LRMDA: variants seen among roughly 807,000 people sequenced by gnomAD.
LRMDA encodes leucine-rich melanocyte differentiation-associated protein.
LRMDA carries 18 observed loss-of-function variants against 29.8 expected under a neutral mutation model. The observed-to-expected ratio is 0.60, with a 90% confidence interval of 0.42 to 0.90. LRMDA has a LOEUF of 0.90. Ranked by LOEUF, LRMDA falls within the 40% of genes least tolerant of loss-of-function variation. The pLI is 0.00. For missense variants in LRMDA, 273 were observed against 273.9 expected (o/e 1.00, Z 0.02); for synonymous variants, 125 against 109.4 (o/e 1.14, Z -0.89).
At chr10:76,136,716 G>A (rs72815530) in intron 5 of LRMDA, among the ~76,000 whole-genome samples, 23,430 of 151,996 alleles carry the variant, frequency 0.15, 2,100 homozygotes, top group Admixed American at 0.23. Context: ...AAATAGATGA[G>A]CACTTTTTGT....
intron 2 of LRMDA, among the ~76,000 whole-genome samples, chr10:75,887,019 C>T (rs1845402688): frequency 6.6e-6 from 1 of 152,002 alleles, no homozygotes; most frequent in Non-Finnish European, 1.5e-5. Flanking sequence ...TGATAGATGA[C>T]CTAGAATGGA....
At chr10:76,159,987 G>A (rs1850614132) in intron 5 of LRMDA, among the ~76,000 whole-genome samples, 1 of 152,060 alleles carries the variant, frequency 6.6e-6, no homozygotes, top group African/African-American at 2.4e-5. Flanking sequence ...CCCATGGAAT[G>A]TACAACACCA....
chr10:75,993,946 G>A (rs1204281880), intron 2 of LRMDA, among the ~76,000 whole-genome samples: 1 of 152,128 alleles, frequency 6.6e-6, no homozygotes, highest in African/African-American at 2.4e-5. Flanking sequence ...AGAAGAGAGA[G>A]GGAAAATCCT....
chr10:76,440,111 C>T (rs1842286256), intron 6 of LRMDA, among the ~76,000 whole-genome samples: 2 of 152,152 alleles, frequency 1.3e-5, no homozygotes, highest in East Asian at 1.9e-4. Flanking sequence ...GATACAAGAG[C>T]GATTAAGAAT....
chr10:75,548,538 A>G (rs1840106418), intron 2 of LRMDA, among the ~76,000 whole-genome samples: 1 of 152,074 alleles, frequency 6.6e-6, no homozygotes, highest in Non-Finnish European at 1.5e-5. Flanking sequence ...ATCTTAAACA[A>G]TGAGGGGTAG....
chr10:75,733,463 A>G (rs1842723685), intron 2 of LRMDA, among the ~76,000 whole-genome samples: 1 of 152,194 alleles, frequency 6.6e-6, no homozygotes, highest in Admixed American at 6.5e-5. Context: ...CCTTCTGTAA[A>G]CATGCCCTTT....
intron 3 of LRMDA, 73 bp from the exon 4 acceptor site, chr10:76,047,091 G>A (rs369777497): frequency 4.6e-5 from 71 of 1,540,984 alleles, no homozygotes; most frequent in African/African-American, 2.9e-4. Flanking sequence ...ACTCATCAGC[G>A]CCTGTCAGTC....
chr10:76,183,581 G>C (rs1222660091), intron 5 of LRMDA, among the ~76,000 whole-genome samples: 1 of 152,202 alleles, frequency 6.6e-6, no homozygotes. Context: ...ACTGGGGAGA[G>C]GGTGAGACAG....
At chr10:75,911,697 G>A (rs1589250476) in intron 2 of LRMDA, among the ~76,000 whole-genome samples, 1 of 152,302 alleles carries the variant, frequency 6.6e-6, no homozygotes, top group South Asian at 2.1e-4. Flanking sequence ...GAGCATGTAT[G>A]ATTTGAGTCC....
chr10:76,241,221 A>G (rs1852272735), intron 5 of LRMDA, among the ~76,000 whole-genome samples: 1 of 152,166 alleles, frequency 6.6e-6, no homozygotes, highest in Non-Finnish European at 1.5e-5. Flanking sequence ...GACCTTATTC[A>G]TGTAACCAAA....
chr10:75,747,330 T>A (rs1315110477), intron 2 of LRMDA, among the ~76,000 whole-genome samples: 1 of 152,146 alleles, frequency 6.6e-6, no homozygotes, highest in Non-Finnish European at 1.5e-5. Context: ...ATACAGCCGC[T>A]AAGAGATTTA....
At chr10:75,720,529 G>T (rs527995571) in intron 2 of LRMDA, among the ~76,000 whole-genome samples, 1 of 152,326 alleles carries the variant, frequency 6.6e-6, no homozygotes, top group Non-Finnish European at 1.5e-5. Flanking sequence ...TGCCTTCGAA[G>T]TTTACTTTTT....
chr10:75,988,902 A>G (rs574926659), intron 2 of LRMDA, among the ~76,000 whole-genome samples: 26 of 152,100 alleles, frequency 1.7e-4, no homozygotes, highest in Non-Finnish European at 2.8e-4. Context: ...CTATTTCAGT[A>G]TCTCTTTCTT....
intron 2 of LRMDA, among the ~76,000 whole-genome samples, chr10:75,699,683 C>T (rs1435783508): frequency 6.6e-6 from 1 of 152,158 alleles, no homozygotes; most frequent in African/African-American, 2.4e-5. Context: ...TTCTTCCATA[C>T]GTACTGTGGT....
chr10:75,709,564 G>T (rs1250383541), intron 2 of LRMDA, among the ~76,000 whole-genome samples: 1 of 152,150 alleles, frequency 6.6e-6, no homozygotes, highest in Non-Finnish European at 1.5e-5. Context: ...ATTGGCAGGT[G>T]AGATCATATT....
At chr10:75,462,222 A>G (rs985007211) in intron 2 of LRMDA, among the ~76,000 whole-genome samples, 1 of 152,262 alleles carries the variant, frequency 6.6e-6, no homozygotes, top group African/African-American at 2.4e-5. Context: ...ATTACTTTGC[A>G]GCTCATAGCT....
rs757235112 is a variant in LRMDA, at chr10:75,639,838, G to A, written c.131+201344G>A. On this transcript the variant is annotated intron_variant, in intron 2 of 6. Transcript: ENST00000611255. ...GATGTTGATTGGCTTTGTCCTGCGCGGCTGCGCTCGGAGAGCGGACATTAA... is the reference window on the plus strand; with the variant it reads ...GATGTTGATTGGCTTTGTCCTGCGCAGCTGCGCTCGGAGAGCGGACATTAA... Among the ~76,000 whole-genome samples the A allele has an allele frequency of 4.8e-5, 7 of 145,056 alleles. No individual in the cohort carries two copies. The East Asian group carries it at 5.8e-4, about 12-fold the overall frequency.
At chr10:76,134,502 T>C (rs1479991808) in intron 5 of LRMDA, among the ~76,000 whole-genome samples, 1 of 152,180 alleles carries the variant, frequency 6.6e-6, no homozygotes, top group African/African-American at 2.4e-5. Flanking sequence ...GACACTATTA[T>C]AGCCACAAAT....
Position 76,018,693 on chromosome 10 carries a change from G to A in LRMDA, c.132-17315G>A, listed in dbSNP as rs1456527584. 4.7e-5 allele frequency among the ~76,000 whole-genome samples: 7 copies of A among 147,468 alleles called. No individual in the cohort carries two copies. In the South Asian group the frequency reaches 7.0e-4, roughly 15 times the overall value. On this transcript the variant is annotated intron_variant, in intron 2 of 6. Coordinates refer to ENST00000611255, the MANE Select transcript of LRMDA (RefSeq NM_001305581.2). ...AGTGATTCTCCTGCCTCAGCCTCCC[G>A]AGTTCCTGAGACTACAGGTGTGCGC...
Sources: gnomAD v4.1 joint callset for allele counts (sites outside exome capture counted in the v4.1 genomes callset) on GRCh38, gnomAD v4.1.1 for gene constraint, MANE v1.5 for transcripts, NCBI Gene and HGNC (gene_info 2026-07-23, HGNC 2026-07-21) for gene names.